Variants in CRACR2A observed in about 807,000 individuals in gnomAD.
CRACR2A encodes EF-hand calcium-binding domain-containing protein 4B.
CRACR2A carries 79 observed loss-of-function variants against 90.5 expected under a neutral mutation model. The observed-to-expected ratio is 0.87, with a 90% CI of 0.73 to 1.05. The LOEUF (loss-of-function observed/expected upper bound fraction) is 1.05, where lower values mean the gene tolerates loss of function less well. CRACR2A is among the 50% of genes least tolerant of loss of function. CRACR2A has a pLI of 0.00. For missense variants in CRACR2A, 823 were observed against 897.2 expected (o/e 0.92, Z 1.06); for synonymous variants, 338 against 356.7 (o/e 0.95, Z 0.59).
At chr12:3,691,241 C>A (rs1188083149) in intron 4 of CRACR2A, among the ~76,000 whole-genome samples, 1 of 144,816 alleles carries the variant, frequency 6.9e-6, no homozygotes, top group Non-Finnish European at 1.5e-5. Flanking sequence ...TATAGTTTCA[C>A]TGGTCTGCGT....
In CRACR2A at chr12:3,652,592, T is replaced by A. The variant is rs570608513; in HGVS notation, c.1046+1620A>T. On this transcript the variant is annotated intron_variant, in intron 10 of 19. Coordinates refer to ENST00000440314, the MANE Select transcript of CRACR2A (RefSeq NM_001144958.2). Reference sequence around the variant, plus strand: ...CACATAAGTCAAACCAGCAGAGCAGTTTTATTTAGGCCTATGGACCAAAAT... The same window carrying A: ...CACATAAGTCAAACCAGCAGAGCAGATTTATTTAGGCCTATGGACCAAAAT... Among the ~76,000 whole-genome samples the A allele has an allele frequency of 1.2e-4, 19 of 152,284 alleles. No homozygotes were observed. The East Asian group carries it at 3.1e-3, about 25-fold the overall frequency.
At chr12:3,737,292 C>T (rs960229100) in intron 1 of CRACR2A, among the ~76,000 whole-genome samples, 2 of 151,968 alleles carry the variant, frequency 1.3e-5, no homozygotes, top group Admixed American at 1.3e-4. Flanking sequence ...TTTGTGTGTT[C>T]AAGAAATGGA....
intron 4 of CRACR2A, among the ~76,000 whole-genome samples, chr12:3,684,127 T>C (rs888142751): frequency 4.6e-5 from 7 of 152,202 alleles, no homozygotes; most frequent in African/African-American, 1.7e-4. Context: ...CATGCTTCCA[T>C]GACATTTTTA....
intron 15 of CRACR2A, among the ~76,000 whole-genome samples, chr12:3,629,882 A>G (rs1367274831): frequency 2.0e-5 from 3 of 151,906 alleles, no homozygotes; most frequent in African/African-American, 7.2e-5. Context: ...GCATGTGCAA[A>G]CATGAAGCCA....
In CRACR2A at chr12:3,640,615, C is replaced by A. The variant is rs572942455; in HGVS notation, c.1271+1117G>T. 3 of 1,303,262 alleles carry A rather than the reference C, an allele frequency of 2.3e-6. No individual in the cohort carries two copies. In the African/African-American group the frequency reaches 4.6e-5, roughly 20 times the overall value. 80.7% of individuals were successfully genotyped at this position (1,303,262 alleles called of 1,614,324 possible). ...TATCTCATTATTCAGCTATTTAGAA[C>A]AAGAATTCATGATGATCAGGCCCAA... On this transcript the variant is annotated intron_variant, in intron 13 of 19. Coordinates refer to ENST00000440314, the MANE Select transcript of CRACR2A (RefSeq NM_001144958.2).
chr12:3,640,513 G>C (rs2137372672), intron 13 of CRACR2A: 1 of 1,214,364 alleles, frequency 8.2e-7, no homozygotes, highest in South Asian at 1.5e-5. Flanking sequence ...AACGTCTGCT[G>C]AATCAATCAA....
chr12:3,700,563 C>T (rs1232216069), intron 3 of CRACR2A, among the ~76,000 whole-genome samples: 1 of 152,156 alleles, frequency 6.6e-6, no homozygotes, highest in Non-Finnish European at 1.5e-5. Context: ...GAGAATACTG[C>T]ATATTAATAT....
Position 3,697,791 on chromosome 12 carries a change from G to C in CRACR2A, c.-36-756C>G, listed in dbSNP as rs187844136. Among the ~76,000 whole-genome samples, 6 of 152,352 alleles carry C rather than the reference G, an allele frequency of 3.9e-5. No homozygotes were observed. In the East Asian group the frequency reaches 1.2e-3, roughly 29 times the overall value. ...CATTCTCAAGGAGCTTCATGTTGTA[G>C]AGGACTTGCCAGGCCTGGTTTGGTG... On this transcript the variant is annotated intron_variant, in intron 3 of 19. Transcript: ENST00000440314.
chr12:3,659,779 G>C (rs574409703), intron 7 of CRACR2A, 125 bp from the exon 8 acceptor site: 1 of 713,100 alleles, frequency 1.4e-6, no homozygotes, highest in East Asian at 2.6e-5. Flanking sequence ...CATAGGTCAG[G>C]TCAGCCAACG....
intron 17 of CRACR2A, among the ~76,000 whole-genome samples, chr12:3,621,339 C>A (rs1335409341): frequency 1.3e-5 from 2 of 151,168 alleles, no homozygotes; most frequent in Non-Finnish European, 2.9e-5. Context: ...GGGTCCTATG[C>A]ACCATAAACA....
chr12:3,709,725 C>T lies in CRACR2A; in HGVS notation c.-37+3512G>A, dbSNP rs369107065. Among the ~76,000 whole-genome samples the T allele has an allele frequency of 2.6e-4, 40 of 152,332 alleles. 2 individuals carry two copies. The South Asian group carries it at 8.3e-3, about 32-fold the overall frequency. On this transcript the variant is annotated intron_variant, in intron 3 of 19. Coordinates refer to ENST00000440314, the MANE Select transcript of CRACR2A (RefSeq NM_001144958.2). ...CCGGGAGGTGGAAGTTGCAGTGAGCCAAGACTGTGCCACTGCACTCTGGCC... is the reference window on the plus strand; with the variant it reads ...CCGGGAGGTGGAAGTTGCAGTGAGCTAAGACTGTGCCACTGCACTCTGGCC...
At position 3,638,151 on chromosome 12, in the gene CRACR2A, C is replaced by G. The variant is rs563581711; in HGVS notation, c.1575G>C (p.Gln525His). Reference sequence around the variant, plus strand: ...TACACAGGGCTTCTTTTCCAACAGGCTGCCCTCGGGGGGATGTGGGGGTGA... The same window carrying G: ...TACACAGGGCTTCTTTTCCAACAGGGTGCCCTCGGGGGGATGTGGGGGTGA... ...LKLTPTSPRG[Q>H]PVGKEALCKE... The change falls in exon 14 of 20, where the codon CAG becomes CAC. Residue 525 changes from glutamine (Q) to histidine (H), a missense_variant. Physicochemically the swap from Gln to His is conservative, Grantham distance 24 (BLOSUM62 0). Transcript: ENST00000440314. 3 of 1,546,722 alleles carry G rather than the reference C, an allele frequency of 1.9e-6. No individual in the cohort carries two copies. In the East Asian group the frequency reaches 7.4e-5, roughly 38 times the overall value.
At chr12:3,631,179 T>A (rs1202390974) in intron 15 of CRACR2A, among the ~76,000 whole-genome samples, 1 of 152,164 alleles carries the variant, frequency 6.6e-6, no homozygotes, top group Non-Finnish European at 1.5e-5. Flanking sequence ...CGAGCATGTG[T>A]GGAGTGGTGT....
At chr12:3,653,268 A>G (rs375568172) in intron 10 of CRACR2A, among the ~76,000 whole-genome samples, 1 of 152,208 alleles carries the variant, frequency 6.6e-6, no homozygotes, top group Non-Finnish European at 1.5e-5. Context: ...GGCGTGAGCC[A>G]CCGCGCCTGG....
At chr12:3,666,364 T>TGCGCGTGCGCGCGC (rs1945148147) in intron 7 of CRACR2A, among the ~76,000 whole-genome samples, 1 of 149,498 alleles carries the variant, frequency 6.7e-6, no homozygotes, top group Non-Finnish European at 1.5e-5. Context: ...TGCGTGCGTG[T>TGCGCGTGCGCGCGC]GCGCGTGCGC....
In CRACR2A at chr12:3,619,298, G is replaced by A; in HGVS notation, c.2007C>T (p.Pro669=). Residue 669 remains proline (P), a synonymous_variant, in exon 18 of 20, where the codon CCC becomes CCT. Transcript: ENST00000440314. The stretch of plus-strand genomic sequence containing the variant: ...TGGCAAGCTGCTCTCCGAGGCCCCG[G>A]GGGACTTCCCGCTCCTTCTCGTTGT... ...KLDNEKEREV[P]RGLGEQLATE... The A allele has an allele frequency of 6.4e-7, 1 of 1,551,630 alleles. No homozygotes were observed. Among genetic ancestry groups the A allele is most frequent in the Non-Finnish European group, 8.7e-7 (1 of 1,146,972 alleles).
chr12:3,659,913 A>G (rs1001271349), intron 7 of CRACR2A, among the ~76,000 whole-genome samples: 9 of 152,104 alleles, frequency 5.9e-5, no homozygotes, highest in South Asian at 2.1e-4. Context: ...TCCCCCAGCC[A>G]TCACTCCTAG....
At chr12:3,698,783 C>T (rs890868014) in intron 3 of CRACR2A, among the ~76,000 whole-genome samples, 1 of 152,188 alleles carries the variant, frequency 6.6e-6, no homozygotes, top group Non-Finnish European at 1.5e-5. Flanking sequence ...CTTTTATGTG[C>T]ATTGTTCAGC....
At chr12:3,664,205 T>C (rs866055054) in intron 7 of CRACR2A, among the ~76,000 whole-genome samples, 6 of 152,234 alleles carry the variant, frequency 3.9e-5, no homozygotes, top group Non-Finnish European at 2.9e-5. Context: ...TATATTATAG[T>C]AAGAAATGGT....
Sources: allele counts gnomAD v4.1 joint callset (sites outside exome capture counted in the v4.1 genomes callset), GRCh38; gene constraint gnomAD v4.1.1; transcripts MANE v1.5; gene names NCBI Gene and HGNC (gene_info 2026-07-23, HGNC 2026-07-21).